Variants in CTNND2 observed in about 807,000 individuals in gnomAD.
CTNND2 encodes catenin delta 2.
Under a neutral mutation model 144.4 loss-of-function variants are expected in CTNND2, and 22 were observed. The observed-to-expected ratio is 0.15, with a 90% CI of 0.11 to 0.22. The LOEUF (loss-of-function observed/expected upper bound fraction) is 0.22, where lower values mean the gene tolerates loss of function less well. Among genes scored for constraint, CTNND2 ranks in the 10% least tolerant of loss-of-function variants. The probability of loss-of-function intolerance (pLI) is 1.00; values close to 1 mark genes in which losing one functional copy is unlikely to be tolerated. For missense variants in CTNND2, 1,353 were observed against 1,618.8 expected (o/e 0.84, Z 2.82); for synonymous variants, 751 against 695.6 (o/e 1.08, Z -1.25).
intron 9 of CTNND2, among the ~76,000 whole-genome samples, chr5:11,243,606 C>T (rs1275939988): frequency 6.6e-6 from 1 of 152,140 alleles, no homozygotes; most frequent in African/African-American, 2.4e-5. Context: ...TGGGGATATG[C>T]AAATGTAACC....
At chr5:11,688,093 G>C (rs7718811) in intron 2 of CTNND2, among the ~76,000 whole-genome samples, 18,195 of 152,108 alleles carry the variant, frequency 0.12, 3,626 homozygotes, top group African/African-American at 0.41. Context: ...TGGTTTGGGG[G>C]CCATTTGAAG....
intron 1 of CTNND2, among the ~76,000 whole-genome samples, chr5:11,819,807 T>C (rs1040541617): frequency 6.6e-6 from 1 of 152,198 alleles, no homozygotes; most frequent in African/African-American, 2.4e-5. Flanking sequence ...TATTCCCTGC[T>C]ATGGAGTCCT....
intron 3 of CTNND2, among the ~76,000 whole-genome samples, chr5:11,440,032 T>C (rs889337919): frequency 1.3e-5 from 2 of 152,026 alleles, no homozygotes; most frequent in Admixed American, 1.3e-4. Context: ...CCAATAGTTA[T>C]GCAGGTACAA....
chr5:11,393,385 G>T (rs1173897426), intron 6 of CTNND2, among the ~76,000 whole-genome samples: 1 of 152,114 alleles, frequency 6.6e-6, no homozygotes, highest in African/African-American at 2.4e-5. Context: ...GTACTCCTTT[G>T]CCAGTGCTCT....
At chr5:11,450,056 T>C (rs1421344503) in intron 3 of CTNND2, among the ~76,000 whole-genome samples, 1 of 152,248 alleles carries the variant, frequency 6.6e-6, no homozygotes, top group Non-Finnish European at 1.5e-5. Flanking sequence ...CTTTTCGGAC[T>C]TAGCAAGGGC....
At chr5:11,052,267 C>G (rs1745917684) in intron 16 of CTNND2, among the ~76,000 whole-genome samples, 1 of 152,050 alleles carries the variant, frequency 6.6e-6, no homozygotes, top group Non-Finnish European at 1.5e-5. Context: ...TGTGTATATA[C>G]TTTCAGTTCA....
At chr5:11,596,669 C>T (rs1779518151) in intron 2 of CTNND2, among the ~76,000 whole-genome samples, 1 of 152,092 alleles carries the variant, frequency 6.6e-6, no homozygotes, top group Admixed American at 6.6e-5. Flanking sequence ...AAATCCTTTA[C>T]ATTTAGGCTG....
intron 10 of CTNND2, among the ~76,000 whole-genome samples, chr5:11,231,099 C>T (rs1343430509): frequency 6.6e-6 from 1 of 152,160 alleles, no homozygotes; most frequent in South Asian, 2.1e-4. Flanking sequence ...CTCACGAGAT[C>T]TGAGCATCTG....
At chr5:11,619,301 C>T (rs557933785) in intron 2 of CTNND2, among the ~76,000 whole-genome samples, 17 of 152,096 alleles carry the variant, frequency 1.1e-4, no homozygotes, top group South Asian at 6.2e-4. Context: ...CCAGCTACTC[C>T]GGAGGCTGAG....
chr5:11,860,385 A>C lies in CTNND2; in HGVS notation c.37+43432T>G, dbSNP rs549230893. 4.6e-5 allele frequency among the ~76,000 whole-genome samples: 7 copies of C among 152,368 alleles called. No individual in the cohort carries two copies. The South Asian group carries it at 1.4e-3, about 32-fold the overall frequency. On this transcript the variant is annotated intron_variant, in intron 1 of 21. Transcript: ENST00000304623. ...TAATAATATTTTGTAGCATTTTAAA[A>C]GATACATAATCCCTAATGTTTAACA...
intron 9 of CTNND2, among the ~76,000 whole-genome samples, chr5:11,275,013 T>C (rs1391519109): frequency 6.6e-6 from 1 of 152,150 alleles, no homozygotes; most frequent in Non-Finnish European, 1.5e-5. Flanking sequence ...ATTACGGGTA[T>C]AGAGTTGGTA....
At chr5:11,471,306 T>A (rs568297388) in intron 3 of CTNND2, among the ~76,000 whole-genome samples, 1 of 152,060 alleles carries the variant, frequency 6.6e-6, no homozygotes, top group Non-Finnish European at 1.5e-5. Context: ...GCATTTTCTA[T>A]CTTTTAATGT....
At chr5:11,821,679 G>A (rs2126942265) in intron 1 of CTNND2, among the ~76,000 whole-genome samples, 1 of 152,236 alleles carries the variant, frequency 6.6e-6, no homozygotes, top group South Asian at 2.1e-4. Flanking sequence ...GTTCCCCACT[G>A]TAAATCACTT....
chr5:11,889,341 T>C (rs148254816), intron 1 of CTNND2, among the ~76,000 whole-genome samples: 9 of 152,202 alleles, frequency 5.9e-5, no homozygotes, highest in African/African-American at 1.9e-4. Flanking sequence ...GATTTTAAGA[T>C]ACAATTTAGA....
intron 10 of CTNND2, among the ~76,000 whole-genome samples, chr5:11,210,792 G>A (rs182906419): frequency 1.3e-5 from 2 of 152,332 alleles, no homozygotes; most frequent in African/African-American, 2.4e-5. Context: ...TATAAGGACT[G>A]GACAGTTGCT....
intron 1 of CTNND2, among the ~76,000 whole-genome samples, chr5:11,837,950 A>G (rs1213944774): frequency 6.6e-6 from 1 of 152,150 alleles, no homozygotes; most frequent in Non-Finnish European, 1.5e-5. Flanking sequence ...ACTTGTCTCC[A>G]TCACAGTAGC....
chr5:10,991,592 TTTC>T (rs1738685272), intron 19 of CTNND2, among the ~76,000 whole-genome samples: 1 of 152,254 alleles, frequency 6.6e-6, no homozygotes, highest in Non-Finnish European at 1.5e-5. Context: ...ATTTTTGGCA[TTTC>T]TTAATGTGAA....
At chr5:11,211,168 A>G (rs1738591005) in intron 10 of CTNND2, among the ~76,000 whole-genome samples, 1 of 152,158 alleles carries the variant, frequency 6.6e-6, no homozygotes, top group Non-Finnish European at 1.5e-5. Flanking sequence ...GGAGTGGGTC[A>G]GCGCACACTA....
At chr5:11,872,193 T>C (rs1336933841) in intron 1 of CTNND2, among the ~76,000 whole-genome samples, 1 of 152,200 alleles carries the variant, frequency 6.6e-6, no homozygotes, top group Non-Finnish European at 1.5e-5. Context: ...TTCATCCGTG[T>C]CCCTGCAAAG....
Sources: allele counts gnomAD v4.1 joint callset (sites outside exome capture counted in the v4.1 genomes callset), GRCh38; gene constraint gnomAD v4.1.1; transcripts MANE v1.5; gene names NCBI Gene and HGNC (gene_info 2026-07-23, HGNC 2026-07-21).